The following NRXN3 variants were observed in gnomAD, a reference collection of about 807,000 sequenced individuals.
The protein encoded by NRXN3 is neurexin 3.
Under a neutral mutation model 137.6 loss-of-function variants are expected in NRXN3, and 32 were observed. That is an observed-to-expected ratio of 0.23 (90% CI 0.18 to 0.31). The LOEUF (loss-of-function observed/expected upper bound fraction) is 0.31. Among genes scored for constraint, NRXN3 ranks in the 10% least tolerant of loss-of-function variants. The pLI, the probability that NRXN3 is intolerant of heterozygous loss-of-function variation, is 1.00. For missense variants in NRXN3, 1,574 were observed against 2,062.5 expected, an observed-to-expected ratio of 0.76 and a Z score of 4.59; for synonymous variants, 798 against 784.5, an observed-to-expected ratio of 1.02 and a Z score of -0.29.
chr14:79,560,655 C>T (rs1437299677), intron 16 of NRXN3, among the ~76,000 whole-genome samples: 1 of 151,600 alleles, frequency 6.6e-6, no homozygotes, highest in Non-Finnish European at 1.5e-5. Context: ...GTACTACAGG[C>T]ATGCACCTCC....
At chr14:79,823,847 G>A (rs1278449654) in intron 20 of NRXN3, 1 of 390,254 alleles carries the variant, frequency 2.6e-6, no homozygotes, top group Admixed American at 2.4e-5. Context: ...ATGATATGCA[G>A]GGCTCTATAT....
intron 4 of NRXN3, among the ~76,000 whole-genome samples, chr14:78,405,230 G>A (rs1238842416): frequency 1.3e-5 from 2 of 152,120 alleles, no homozygotes; most frequent in Non-Finnish European, 2.9e-5. Flanking sequence ...TCCCAGTGAG[G>A]TAAAACTAGC....
At chr14:78,429,246 T>TATATATATA (rs59488018) in intron 4 of NRXN3, among the ~76,000 whole-genome samples, 402 of 151,260 alleles carry the variant, frequency 2.7e-3, no homozygotes, top group African/African-American at 9.3e-3. Context: ...ATATATATAT[T>TATATATATA]TTTTGTATAT....
chr14:78,843,827 A>T (rs1017888722), intron 10 of NRXN3, among the ~76,000 whole-genome samples: 1 of 152,152 alleles, frequency 6.6e-6, no homozygotes, highest in East Asian at 1.9e-4. Flanking sequence ...TTAAGTTGTT[A>T]TGGCTGGCCC....
At chr14:78,310,130 A>G (rs1434017479) in intron 4 of NRXN3, among the ~76,000 whole-genome samples, 1 of 152,108 alleles carries the variant, frequency 6.6e-6, no homozygotes, top group African/African-American at 2.4e-5. Flanking sequence ...TGATCTTGGC[A>G]TAACATGAGA....
At chr14:79,242,577 G>A (rs551165369) in intron 15 of NRXN3, among the ~76,000 whole-genome samples, 15 of 152,106 alleles carry the variant, frequency 9.9e-5, no homozygotes, top group Non-Finnish European at 2.1e-4. Flanking sequence ...TACCTCCAGC[G>A]AGGAGAGTAT....
chr14:78,606,096 G>A (rs1326239454), intron 4 of NRXN3, among the ~76,000 whole-genome samples: 1 of 152,094 alleles, frequency 6.6e-6, no homozygotes. Flanking sequence ...AGGGACATGG[G>A]TACAAGACTA....
At chr14:78,922,949 G>A (rs2099275064) in intron 10 of NRXN3, among the ~76,000 whole-genome samples, 2 of 152,268 alleles carry the variant, frequency 1.3e-5, no homozygotes, top group South Asian at 2.1e-4. Context: ...ATTTTTTCCC[G>A]TGGGTTTCCA....
intron 4 of NRXN3, among the ~76,000 whole-genome samples, chr14:78,556,844 A>G (rs1346279498): frequency 6.6e-6 from 1 of 150,516 alleles, no homozygotes; most frequent in African/African-American, 2.4e-5. Flanking sequence ...AAATACATCT[A>G]GGAGACCTCT....
intron 4 of NRXN3, among the ~76,000 whole-genome samples, chr14:78,413,635 C>T (rs2092963799): frequency 6.6e-6 from 1 of 152,200 alleles, no homozygotes; most frequent in Non-Finnish European, 1.5e-5. Context: ...TGGGTGTAAC[C>T]TCCCAGATGT....
At chr14:78,396,666 A>G (rs2091488935) in intron 4 of NRXN3, among the ~76,000 whole-genome samples, 1 of 152,082 alleles carries the variant, frequency 6.6e-6, no homozygotes, top group Non-Finnish European at 1.5e-5. Context: ...TCTGGCCTCT[A>G]TGGCTTTTGA....
intron 19 of NRXN3, among the ~76,000 whole-genome samples, chr14:79,724,704 T>C (rs762897159): frequency 6.6e-6 from 1 of 152,170 alleles, no homozygotes; most frequent in Non-Finnish European, 1.5e-5. Flanking sequence ...CAATTTTGTT[T>C]TTGATTTCTG....
intron 4 of NRXN3, among the ~76,000 whole-genome samples, chr14:78,506,672 T>TA (rs2096000492): frequency 7.5e-6 from 1 of 134,186 alleles, no homozygotes; most frequent in Non-Finnish European, 1.6e-5. Context: ...TTTTTTTTTT[T>TA]TAGGAGATGG....
At chr14:79,623,480 G>A (rs1394751105) in intron 16 of NRXN3, among the ~76,000 whole-genome samples, 3 of 152,190 alleles carry the variant, frequency 2.0e-5, no homozygotes. Flanking sequence ...TGGTACAGGG[G>A]TTCCCCATCT....
chr14:78,943,550 G>C (rs2099357234), intron 10 of NRXN3, among the ~76,000 whole-genome samples: 1 of 142,782 alleles, frequency 7.0e-6, no homozygotes, highest in Non-Finnish European at 1.5e-5. Context: ...GAAATTTAAG[G>C]TGCCTAAAGA....
intron 15 of NRXN3, among the ~76,000 whole-genome samples, chr14:79,383,966 G>A (rs906709323): frequency 2.0e-5 from 3 of 151,992 alleles, no homozygotes; most frequent in Non-Finnish European, 4.4e-5. Context: ...TTCAAATTAG[G>A]TCAGTGTTTT....
chr14:78,346,839 G>A (rs2082802853), intron 4 of NRXN3, among the ~76,000 whole-genome samples: 1 of 152,184 alleles, frequency 6.6e-6, no homozygotes. Flanking sequence ...CCCAGTGGGA[G>A]GGAGCAGGAG....
chr14:78,697,126 A>T (rs2098234483), intron 6 of NRXN3, among the ~76,000 whole-genome samples: 1 of 152,064 alleles, frequency 6.6e-6, no homozygotes, highest in African/African-American at 2.4e-5. Context: ...AGTTTTATTT[A>T]ATCTCAGAAT....
intron 4 of NRXN3, among the ~76,000 whole-genome samples, chr14:78,567,230 A>AAAAAT (rs2096844392): frequency 1.3e-5 from 2 of 152,222 alleles, no homozygotes. Flanking sequence ...GAAGCAGCAG[A>AAAAAT]AAAATATGCA....
Sources: gnomAD v4.1 joint callset for allele counts (sites outside exome capture counted in the v4.1 genomes callset) on GRCh38, gnomAD v4.1.1 for gene constraint, MANE v1.5 for transcripts, NCBI Gene and HGNC (gene_info 2026-07-23, HGNC 2026-07-21) for gene names.